The following EPB41L3 variants were observed in gnomAD, a reference collection of about 807,000 sequenced individuals.
EPB41L3 encodes the protein band 4.1-like protein 3.
EPB41L3 carries 57 observed loss-of-function variants against 127.1 expected under a neutral mutation model. The ratio of observed to expected loss-of-function variants is 0.45; its 90% CI spans 0.36 to 0.56. The LOEUF (loss-of-function observed/expected upper bound fraction) is 0.56, where lower values mean the gene tolerates loss of function less well. EPB41L3 is among the 20% of genes least tolerant of loss of function. EPB41L3 has a pLI of 0.00. For missense variants in EPB41L3, 1,273 were observed against 1,372.2 expected (o/e 0.93, Z 1.14); for synonymous variants, 572 against 549.5 (o/e 1.04, Z -0.57).
chr18:5,514,920 G>T (rs1205627028), intron 1 of EPB41L3, among the ~76,000 whole-genome samples: 2 of 152,118 alleles, frequency 1.3e-5, no homozygotes, highest in Non-Finnish European at 2.9e-5. Context: ...AACATATGCT[G>T]AATAGTCAAA....
At position 5,472,592 on chromosome 18, in the gene EPB41L3, T is replaced by C; in HGVS notation, c.381+5649A>G. ...TGTATTGGTTTAAAACAGTCCTTAT[T>C]TTTATGGTTTACAATTAATATTCTT... On this transcript the variant is annotated intron_variant, in intron 3 of 22. Coordinates refer to ENST00000341928, the MANE Select transcript of EPB41L3 (RefSeq NM_012307.5). Among the ~76,000 whole-genome samples the C allele has an allele frequency of 1.3e-5, 2 of 152,216 alleles. 1 individual carries two copies. Among genetic ancestry groups the C allele is most frequent in the East Asian group, 3.8e-4 (2 of 5,202 alleles).
intron 9 of EPB41L3, among the ~76,000 whole-genome samples, chr18:5,425,528 T>A (rs2078051946): frequency 6.6e-6 from 1 of 152,204 alleles, no homozygotes. Context: ...TGCACTCTGC[T>A]GCAAGAAGCT....
intron 3 of EPB41L3, among the ~76,000 whole-genome samples, chr18:5,581,683 A>G (rs2094395002): frequency 6.6e-6 from 1 of 152,168 alleles, no homozygotes; most frequent in Admixed American, 6.5e-5. Context: ...TTAGGTCTTC[A>G]AAACACAGAA....
chr18:5,617,423 A>T (rs1346299162), intron 1 of EPB41L3, among the ~76,000 whole-genome samples: 1 of 150,444 alleles, frequency 6.6e-6, no homozygotes, highest in African/African-American at 2.5e-5. Context: ...GGTTCACGCC[A>T]TTCTCCTGCC....
chr18:5,472,451 C>T (rs1263730670), intron 3 of EPB41L3, among the ~76,000 whole-genome samples: 8 of 152,140 alleles, frequency 5.3e-5, no homozygotes, highest in African/African-American at 1.9e-4. Context: ...GTAAGTTCTT[C>T]AGTTGAGCAG....
intron 1 of EPB41L3, among the ~76,000 whole-genome samples, chr18:5,530,995 G>C (rs1278377316): frequency 6.6e-6 from 1 of 152,236 alleles, no homozygotes; most frequent in Non-Finnish European, 1.5e-5. Flanking sequence ...CTGCAGAGCA[G>C]AGCATTAAGG....
intron 8 of EPB41L3, among the ~76,000 whole-genome samples, chr18:5,428,944 C>A (rs59463599): frequency 0.048 from 7,366 of 152,246 alleles, 246 homozygotes; most frequent in African/African-American, 0.089. Context: ...TTAACCAACA[C>A]GTATGCTAAC....
At chr18:5,511,929 C>T (rs2092546080) in intron 1 of EPB41L3, among the ~76,000 whole-genome samples, 1 of 152,190 alleles carries the variant, frequency 6.6e-6, no homozygotes, top group African/African-American at 2.4e-5. Flanking sequence ...AAAAGGCTTC[C>T]AGAGTAAAGT....
chr18:5,394,851 C>A, intron 21 of EPB41L3, 58 bp from the exon 22 acceptor site: 2 of 1,523,040 alleles, frequency 1.3e-6, no homozygotes, highest in South Asian at 2.3e-5. Flanking sequence ...CATGCATGAT[C>A]AGTGGTGAGG....
chr18:5,460,655 A>T (rs1297954733), intron 3 of EPB41L3, among the ~76,000 whole-genome samples: 1 of 152,122 alleles, frequency 6.6e-6, no homozygotes. Context: ...TTCATAGTCC[A>T]CTCCTTGAAT....
intron 6 of EPB41L3, among the ~76,000 whole-genome samples, chr18:5,437,190 A>G (rs1472977153): frequency 1.3e-5 from 2 of 152,176 alleles, no homozygotes; most frequent in Non-Finnish European, 2.9e-5. Flanking sequence ...TGGGATCACA[A>G]GGTGGGGGTC....
chr18:5,400,734 A>G, intron 16 of EPB41L3: 1 of 553,462 alleles, frequency 1.8e-6, no homozygotes, highest in Non-Finnish European at 3.2e-6. Context: ...CAATGACAAC[A>G]TACAGAGAAA....
chr18:5,407,838 T>A, intron 14 of EPB41L3, 102 bp from the exon 15 acceptor site: 1 of 1,064,726 alleles, frequency 9.4e-7, no homozygotes, highest in Non-Finnish European at 1.5e-6. Context: ...TGGGCACGTG[T>A]ACGCTCTTGC....
intron 3 of EPB41L3, among the ~76,000 whole-genome samples, chr18:5,469,413 G>A (rs2085651964): frequency 6.6e-6 from 1 of 152,170 alleles, no homozygotes; most frequent in Admixed American, 6.5e-5. Flanking sequence ...CTGTGCCAGT[G>A]CCTGGAGCTG....
chr18:5,467,203 C>A (rs2085154446), intron 3 of EPB41L3, among the ~76,000 whole-genome samples: 1 of 152,122 alleles, frequency 6.6e-6, no homozygotes, highest in Non-Finnish European at 1.5e-5. Flanking sequence ...TGAAGACTTC[C>A]TATGTTATAT....
intron 1 of EPB41L3, among the ~76,000 whole-genome samples, chr18:5,498,649 A>G: frequency 6.7e-6 from 1 of 149,202 alleles, no homozygotes; most frequent in Admixed American, 6.7e-5. Context: ...CATTTCCCTT[A>G]GCAAAGGCAC....
chr18:5,521,257 C>T (rs2092976811), intron 1 of EPB41L3: 1 of 152,214 alleles, frequency 6.6e-6, no homozygotes, highest in East Asian at 1.9e-4. Flanking sequence ...AAGGCACTCA[C>T]CTGAGCACAC....
At chr18:5,538,700 CAG>C (rs975855999) in intron 1 of EPB41L3, among the ~76,000 whole-genome samples, 43 of 152,312 alleles carry the variant, frequency 2.8e-4, no homozygotes, top group African/African-American at 1.0e-3. Flanking sequence ...CTCCCCTCTT[CAG>C]AGGACACCCT....
intron 11 of EPB41L3, among the ~76,000 whole-genome samples, chr18:5,420,583 T>TTA (rs2077355550): frequency 1.3e-5 from 2 of 152,212 alleles, no homozygotes; most frequent in African/African-American, 4.8e-5. Flanking sequence ...TCATCTCTAA[T>TTA]ATTTTGGGAA....
Sources: allele counts gnomAD v4.1 joint callset (sites outside exome capture counted in the v4.1 genomes callset), GRCh38; gene constraint gnomAD v4.1.1; transcripts MANE v1.5; gene names NCBI Gene and HGNC (gene_info 2026-07-23, HGNC 2026-07-21).